Variants in SEMA5B observed in about 807,000 individuals in gnomAD.
SEMA5B encodes semaphorin-5B.
Under a neutral mutation model 135.0 loss-of-function variants are expected in SEMA5B, and 66 were observed. The observed-to-expected ratio is 0.49, with a 90% CI of 0.40 to 0.60. The LOEUF (loss-of-function observed/expected upper bound fraction) is 0.60, where lower values mean the gene tolerates loss of function less well. Ranked by LOEUF, SEMA5B falls within the 20% of genes least tolerant of loss-of-function variation. The pLI, the probability that SEMA5B is intolerant of heterozygous loss-of-function variation, is 0.00. For synonymous variants in SEMA5B, 690 were observed against 639.5 expected, an observed-to-expected ratio of 1.08 and a Z score of -1.19; for missense variants, 1,501 against 1,566.3, an observed-to-expected ratio of 0.96 and a Z score of 0.70.
At chr3:122,978,504 A>C (rs1941410091) in intron 1 of SEMA5B, among the ~76,000 whole-genome samples, 1 of 152,094 alleles carries the variant, frequency 6.6e-6, no homozygotes, top group Non-Finnish European at 1.5e-5. Context: ...AGACTCCCAT[A>C]GACTGGTGAT....
At chr3:122,931,511 C>G (rs762120038) in intron 5 of SEMA5B, among the ~76,000 whole-genome samples, 1 of 151,976 alleles carries the variant, frequency 6.6e-6, no homozygotes, top group Non-Finnish European at 1.5e-5. Flanking sequence ...AAAATTTTAA[C>G]GTATACATAT....
chr3:122,933,775 A>G (rs934102215), intron 5 of SEMA5B, among the ~76,000 whole-genome samples: 2 of 151,998 alleles, frequency 1.3e-5, no homozygotes, highest in Non-Finnish European at 2.9e-5. Context: ...TTTCTTCAAC[A>G]TTATTTTCTA....
chr3:122,935,333 G>A (rs1005705358), intron 5 of SEMA5B, among the ~76,000 whole-genome samples: 3 of 150,288 alleles, frequency 2.0e-5, no homozygotes, highest in East Asian at 4.0e-4. Flanking sequence ...CAGGGGGTGG[G>A]AGGAGGAAGT....
intron 22 of SEMA5B, 99 bp downstream of exon 22, chr3:122,910,741 C>T (rs1249563603): frequency 1.3e-5 from 12 of 950,644 alleles, no homozygotes; most frequent in South Asian, 1.2e-4. Flanking sequence ...ACCCGGGAGG[C>T]AGAGCTTGCA....
chr3:123,003,453 T>C (rs1030855691), intron 1 of SEMA5B, among the ~76,000 whole-genome samples: 1 of 151,916 alleles, frequency 6.6e-6, no homozygotes, highest in Non-Finnish European at 1.5e-5. Flanking sequence ...AAAAAAATCA[T>C]GTAGTTCAGG....
intron 1 of SEMA5B, among the ~76,000 whole-genome samples, chr3:122,995,143 C>T (rs1560424532): frequency 6.6e-6 from 1 of 152,134 alleles, no homozygotes; most frequent in African/African-American, 2.4e-5. Context: ...AGGACCATGG[C>T]CAGGGCTGGA....
intron 1 of SEMA5B, among the ~76,000 whole-genome samples, chr3:123,014,883 T>C (rs1942519596): frequency 6.6e-6 from 1 of 152,170 alleles, no homozygotes; most frequent in Non-Finnish European, 1.5e-5. Flanking sequence ...TATTGCCTTA[T>C]TTGGAAATAG....
intron 9 of SEMA5B, among the ~76,000 whole-genome samples, chr3:122,925,635 G>A (rs375649049): frequency 2.0e-5 from 3 of 151,636 alleles, no homozygotes; most frequent in Middle Eastern, 3.4e-3. Context: ...GCCCCACTGC[G>A]CTCCAGCCTG....
chr3:123,018,787 G>A (rs1224138514), intron 1 of SEMA5B, among the ~76,000 whole-genome samples: 1 of 152,164 alleles, frequency 6.6e-6, no homozygotes, highest in Non-Finnish European at 1.5e-5. Context: ...ACTATAGCAT[G>A]CCTCCCTGAC....
intron 1 of SEMA5B, among the ~76,000 whole-genome samples, chr3:122,994,654 T>G (rs1216481017): frequency 6.6e-6 from 1 of 152,182 alleles, no homozygotes; most frequent in Admixed American, 6.5e-5. Flanking sequence ...GGTGACCGCC[T>G]AGGCAGCTTA....
At chr3:123,025,742 C>A (rs982738087) in intron 1 of SEMA5B, among the ~76,000 whole-genome samples, 1 of 152,226 alleles carries the variant, frequency 6.6e-6, no homozygotes, top group African/African-American at 2.4e-5. Context: ...TCTACCCCCA[C>A]GCCCCAAGGC....
At chr3:122,968,282 CATT>C (rs1033777760) in intron 1 of SEMA5B, among the ~76,000 whole-genome samples, 1 of 152,358 alleles carries the variant, frequency 6.6e-6, no homozygotes, top group Admixed American at 6.5e-5. Context: ...ACTCCTCTCT[CATT>C]ATAATTGCGA....
intron 5 of SEMA5B, among the ~76,000 whole-genome samples, chr3:122,931,842 A>C (rs1465576884): frequency 2.6e-5 from 4 of 152,222 alleles, no homozygotes; most frequent in Non-Finnish European, 5.9e-5. Context: ...TTTCTGACAC[A>C]CCAGGACTCA....
Position 122,926,550 on chromosome 3 carries a change from C to T in SEMA5B, c.978G>A (p.Val326=), listed in dbSNP as rs765001789. The stretch of plus-strand genomic sequence containing the variant: ...TGTCCTCCAGCAGGAATCGGCCCCC[C>T]ACGTCATTCTTGCACACGCGGGCCA... ...SRVARVCKND[V]GGRFLLEDTW... is the part of the protein sequence containing the mutation. The change falls in exon 9 of 23, where the codon GTG becomes GTA. Residue 326 remains valine (V), a synonymous_variant. Coordinates refer to ENST00000357599, the MANE Select transcript of SEMA5B (RefSeq NM_001031702.4). 1 of 1,614,266 alleles carries T rather than the reference C, an allele frequency of 6.2e-7. No homozygotes were observed. The highest frequency in any genetic ancestry group is 8.5e-7 in the Non-Finnish European group (1 of 1,180,046).
chr3:122,971,299 G>A (rs991417631), intron 1 of SEMA5B, among the ~76,000 whole-genome samples: 2 of 152,238 alleles, frequency 1.3e-5, no homozygotes, highest in Admixed American at 6.5e-5. Flanking sequence ...CATAAGAGAC[G>A]CTGAATTATT....
intron 1 of SEMA5B, among the ~76,000 whole-genome samples, chr3:122,979,769 T>C (rs1941459403): frequency 6.6e-6 from 1 of 152,232 alleles, no homozygotes; most frequent in Non-Finnish European, 1.5e-5. Context: ...CTTGCAATAA[T>C]GCCTGGCTAT....
At chr3:122,997,729 G>A (rs1241306428) in intron 1 of SEMA5B, among the ~76,000 whole-genome samples, 1 of 152,164 alleles carries the variant, frequency 6.6e-6, no homozygotes, top group East Asian at 1.9e-4. Context: ...TCACTCAGAA[G>A]GGAAAAGTCA....
Position 122,916,037 on chromosome 3 carries a change from G to C in SEMA5B, c.1689-147C>G, listed in dbSNP as rs1313258342. ...TAATGAAGTTCATTGGGCCTTTACT[G>C]TGTGTAAGGCATCATTTTAAGCACT... On this transcript the variant is annotated intron_variant, in intron 12 of 22. Transcript: ENST00000357599. 2.6e-5 allele frequency: 17 copies of C among 646,476 alleles called. No individual in the cohort carries two copies. The East Asian group carries it at 2.7e-4, about 10-fold the overall frequency. 40.0% of individuals were successfully genotyped at this position (646,476 alleles called of 1,614,324 possible).
rs774353354 is a variant in SEMA5B at position 122,922,390 on chromosome 3, C to T, written c.1330G>A (p.Asp444Asn). Residue 444 changes from aspartate to asparagine, a missense_variant, in exon 11 of 23, where the codon GAC (aspartate) becomes AAC (asparagine). Transcript: ENST00000357599. ...NENLTERSLQ[D>N]AQRLFLMSEA... The stretch of plus-strand genomic sequence containing the variant: ...CTCATCAGGAAGAGGCGCTGCGCGT[C>T]CTGCAGGCTGCGCTCCGTCAGGTTC... 1 of 1,611,994 alleles carries T rather than the reference C, an allele frequency of 6.2e-7. No homozygotes were observed. Among genetic ancestry groups the T allele is most frequent in the South Asian group, 1.1e-5 (1 of 90,602 alleles).
Sources: gnomAD v4.1 joint callset for allele counts (sites outside exome capture counted in the v4.1 genomes callset) on GRCh38, gnomAD v4.1.1 for gene constraint, MANE v1.5 for transcripts, NCBI Gene and HGNC (gene_info 2026-07-23, HGNC 2026-07-21) for gene names.